The following HADHA variants were observed in gnomAD, a reference collection of about 807,000 sequenced individuals.
The protein encoded by HADHA is trifunctional enzyme subunit alpha, mitochondrial.
HADHA carries 59 observed loss-of-function variants against 91.3 expected under a neutral mutation model. The observed-to-expected ratio is 0.65, with a 90% confidence interval of 0.52 to 0.80. HADHA has a LOEUF of 0.80. Ranked by LOEUF, HADHA falls within the 30% of genes least tolerant of loss-of-function variation. The pLI, the probability that HADHA is intolerant of heterozygous loss-of-function variation, is 0.00. For synonymous variants in HADHA, 320 were observed against 338.9 expected, an observed-to-expected ratio of 0.94 and a Z score of 0.61; for missense variants, 800 against 927.6, an observed-to-expected ratio of 0.86 and a Z score of 1.79.
rs1464689141 is a variant in HADHA, at chr2:26,229,090, C to T, written c.676+1102G>A. Among the ~76,000 whole-genome samples the T allele has an allele frequency of 2.6e-5, 4 of 152,162 alleles. No individual in the cohort carries two copies. The highest frequency in any genetic ancestry group is 1.3e-4 in the Admixed American group (2 of 15,284). On this transcript the variant is annotated intron_variant, in intron 7 of 19. Coordinates refer to ENST00000380649, the MANE Select transcript of HADHA (RefSeq NM_000182.5). The surrounding 1 kb of genome is among the most constrained non-coding windows in gnomAD (Gnocchi z 4.3). ...CACAGTGGCTCACACCTGTAAATCT[C>T]GGCACTTTGGGTGGCTGAGGGAGGA...
intron 11 of HADHA, among the ~76,000 whole-genome samples, chr2:26,208,113 C>T (rs1295341469): frequency 3.3e-5 from 5 of 152,016 alleles, no homozygotes; most frequent in African/African-American, 9.7e-5. Flanking sequence ...TTTTTCTGCC[C>T]ATTTAGTTCT....
intron 5 of HADHA, 101 bp downstream of exon 5, chr2:26,234,116 C>T: frequency 8.4e-7 from 1 of 1,190,608 alleles, no homozygotes; most frequent in East Asian, 2.4e-5. Context: ...GGATTCTCCT[C>T]CAGAAACTTT....
chr2:26,209,645 T>C, intron 11 of HADHA, 135 bp downstream of exon 11: 1 of 703,832 alleles, frequency 1.4e-6, no homozygotes, highest in Admixed American at 2.1e-5. Context: ...ACATAAGGGC[T>C]CAAATGTGCT....
intron 13 of HADHA, among the ~76,000 whole-genome samples, chr2:26,199,530 A>G (rs928580795): frequency 1.3e-5 from 2 of 152,138 alleles, no homozygotes; most frequent in Non-Finnish European, 1.5e-5. Flanking sequence ...CTGGCTGGCA[A>G]ACATTCTTCC....
chr2:26,242,480 A>G (rs1324056390), intron 1 of HADHA, among the ~76,000 whole-genome samples: 1 of 152,248 alleles, frequency 6.6e-6, no homozygotes, highest in Non-Finnish European at 1.5e-5. Context: ...TTAGGTTGGT[A>G]GCTTTTTATT....
At chr2:26,208,862 T>C (rs1339636162) in intron 11 of HADHA, among the ~76,000 whole-genome samples, 1 of 152,234 alleles carries the variant, frequency 6.6e-6, no homozygotes, top group Admixed American at 6.5e-5. Context: ...CAGATTCTAA[T>C]TGGAAATCAG....
chr2:26,237,401 C>T (rs1442487421), intron 3 of HADHA, among the ~76,000 whole-genome samples: 1 of 152,086 alleles, frequency 6.6e-6, no homozygotes, highest in African/African-American at 2.4e-5. Context: ...CCAAGGTGGG[C>T]GGATCACTTG....
intron 10 of HADHA, chr2:26,212,331 C>T (rs1574613936): frequency 4.0e-6 from 2 of 505,878 alleles, no homozygotes; most frequent in East Asian, 7.3e-5. Context: ...AAACGATCTG[C>T]CCACCTCGGC....
rs528222120 is a variant in HADHA at position 26,192,859 on chromosome 2, T to A, written c.1886-435A>T. On this transcript the variant is annotated intron_variant, in intron 17 of 19. Transcript: ENST00000380649. ...GTATGTCTAGCTAACCCTAGCAAAT[T>A]AGTCTTTGTCAGAAGAGTGGGCAGA... Among the ~76,000 whole-genome samples, 3 of 152,300 alleles carry A rather than the reference T, an allele frequency of 2.0e-5. No homozygotes were observed. The East Asian group carries it at 5.8e-4, about 29-fold the overall frequency.
chr2:26,230,135 T>C (rs1670585661), intron 7 of HADHA, 57 bp downstream of exon 7: 1 of 1,127,390 alleles, frequency 8.9e-7, no homozygotes, highest in African/African-American at 1.5e-5. Context: ...AGAGGTTAAC[T>C]CTTTAAGAAA....
chr2:26,231,908 G>A (rs1315739619), intron 6 of HADHA, among the ~76,000 whole-genome samples: 1 of 149,232 alleles, frequency 6.7e-6, no homozygotes, highest in East Asian at 2.0e-4. Flanking sequence ...GGAGAAGGTT[G>A]CAGTGAGCTG....
chr2:26,204,700 C>T (rs990682224), intron 11 of HADHA, among the ~76,000 whole-genome samples: 1 of 152,138 alleles, frequency 6.6e-6, no homozygotes, highest in African/African-American at 2.4e-5. Flanking sequence ...CCTTCTGCCT[C>T]AGTCTCCTGA....
intron 4 of HADHA, among the ~76,000 whole-genome samples, 153 bp from the exon 5 acceptor site, chr2:26,234,508 G>A (rs1315148883): frequency 6.6e-6 from 1 of 152,136 alleles, no homozygotes; most frequent in Non-Finnish European, 1.5e-5. Flanking sequence ...GCTTCAAATA[G>A]CACAATAGCA....
At chr2:26,213,218 C>T (rs539485032) in intron 9 of HADHA, among the ~76,000 whole-genome samples, 14 of 152,244 alleles carry the variant, frequency 9.2e-5, no homozygotes, top group Admixed American at 7.8e-4. Context: ...TAACTCATAA[C>T]CTCTCTTTGG....
At position 26,210,319 on chromosome 2, in the gene HADHA, C is replaced by G. The variant is rs1670069176; in HGVS notation, c.976-430G>C. Among the ~76,000 whole-genome samples the G allele has an allele frequency of 6.6e-6, 1 of 152,190 alleles. No individual in the cohort carries two copies. The highest frequency in any genetic ancestry group is 2.4e-5 in the African/African-American group (1 of 41,452). ...CTGCCTCAAAGTGGCAGAAATGGAA[C>G]TTGAACCAAGACAGTATGACTCTGA... On this transcript the variant is annotated intron_variant, in intron 10 of 19. Transcript: ENST00000380649. The surrounding 1 kb of genome is among the most constrained non-coding windows in gnomAD (Gnocchi z 4.0).
At chr2:26,211,428 C>G (rs1256168096) in intron 10 of HADHA, among the ~76,000 whole-genome samples, 1 of 151,972 alleles carries the variant, frequency 6.6e-6, no homozygotes, top group Non-Finnish European at 1.5e-5. Context: ...TGAGTGCCAA[C>G]ATGATGTCAT....
chr2:26,232,256 T>C lies in HADHA; in HGVS notation c.477A>G (p.Arg159=). The change falls in exon 6 of 20, where the codon AGA becomes AGG. Residue 159 remains arginine, a synonymous_variant. Transcript: ENST00000380649. Reference sequence around the variant, plus strand: ...CTGTTTTTCTGTCTTTTGTTGCTATTCTGTATTGGCATGAAATGGCAACCT... The same window carrying C: ...CTGTTTTTCTGTCTTTTGTTGCTATCCTGTATTGGCATGAAATGGCAACCT... The part of the protein sequence containing the change: ...GLEVAISCQY[R]IATKDRKTVL... 1 of 1,603,690 alleles carries C rather than the reference T, an allele frequency of 6.2e-7. No individual in the cohort carries two copies. Among genetic ancestry groups the C allele is most frequent in the Non-Finnish European group, 8.5e-7 (1 of 1,170,496 alleles).
chr2:26,201,141 T>G lies in HADHA; in HGVS notation c.1392+8A>C. On this transcript the variant is annotated splice_region_variant and intron_variant, in intron 13 of 19. Transcript: ENST00000380649. ...ACTAGGATTCAAGTACAACAGCCCC[T>G]TGCTTACCGCTTCTACTTCCTTTAG... 1.2e-6 allele frequency: 2 copies of G among 1,606,418 alleles called. No individual in the cohort carries two copies. The highest frequency in any genetic ancestry group is 1.7e-6 in the Non-Finnish European group (2 of 1,172,936).
At chr2:26,239,271 C>T in intron 1 of HADHA, 128 bp from the exon 2 acceptor site, 1 of 738,018 alleles carries the variant, frequency 1.4e-6, no homozygotes, top group Non-Finnish European at 2.5e-6. Flanking sequence ...GTATTCTAGG[C>T]CATATGACTA....
Sources: allele counts gnomAD v4.1 joint callset (sites outside exome capture counted in the v4.1 genomes callset), GRCh38; gene constraint gnomAD v4.1.1; non-coding constraint Gnocchi (gnomAD v3.1); transcripts MANE v1.5; gene names NCBI Gene and HGNC (gene_info 2026-07-23, HGNC 2026-07-21).